The following TSC2 variants were observed in gnomAD, a reference collection of about 807,000 sequenced individuals.
TSC2 encodes tuberin.
TSC2 carries 29 observed loss-of-function variants against 202.2 expected under a neutral mutation model. That is an observed-to-expected ratio of 0.14 (90% confidence interval 0.11 to 0.20). The LOEUF (loss-of-function observed/expected upper bound fraction) is 0.20, where lower values mean the gene tolerates loss of function less well. Ranked by LOEUF, TSC2 falls within the 10% of genes least tolerant of loss-of-function variation. The pLI is 1.00. For missense variants in TSC2, 2,429 were observed against 2,420.0 expected (o/e 1.00, Z -0.08); for synonymous variants, 1,349 against 1,044.0 (o/e 1.29, Z -5.63).
At chr16:2,082,587 C>T (rs1290554817) in intron 32 of TSC2, 83 bp downstream of exon 32, 3 of 1,469,316 alleles carry the variant, frequency 2.0e-6, no homozygotes, top group South Asian at 1.1e-5. Context: ...CATCCGCCCA[C>T]CCCCATGGTC....
In TSC2 at chr16:2,049,953, C is replaced by CT. The variant is rs34020463; in HGVS notation, c.139-428dup. ...GGAGCAGTAAAGCCCCTCAGTAAAT[C>CT]TTTTTTTTTTTTTTTTTTTGAGACC... is the stretch of plus-strand genomic sequence containing the variant. On this transcript the variant is annotated intron_variant, in intron 2 of 41. Coordinates refer to ENST00000219476, the MANE Select transcript of TSC2 (RefSeq NM_000548.5). Among the ~76,000 whole-genome samples the CT allele has an allele frequency of 8.6e-3, 1,160 of 135,444 alleles. 12 individuals carry two copies. Among genetic ancestry groups the CT allele is most frequent in the East Asian group, 0.073 (332 of 4,530 alleles). 88.9% of individuals were successfully genotyped at this position (135,444 alleles called of 152,430 possible).
chr16:2,076,798 A>G (rs1362084617), intron 25 of TSC2: 23 of 580,844 alleles, frequency 4.0e-5, no homozygotes, highest in Non-Finnish European at 5.2e-5. Context: ...TGCGTGTGCC[A>G]CGGGCACCTA....
chr16:2,075,713 G>A (rs1344072751), intron 22 of TSC2, 86 bp from the exon 23 acceptor site: 29 of 1,434,018 alleles, frequency 2.0e-5, no homozygotes, highest in Admixed American at 5.2e-5. Flanking sequence ...GCACCCCATC[G>A]CTGCCGTGGG....
chr16:2,087,692 C>CT lies in TSC2; in HGVS notation c.4990-169dup, dbSNP rs1405136720. On this transcript the variant is annotated intron_variant, in intron 38 of 41. Coordinates refer to ENST00000219476, the MANE Select transcript of TSC2 (RefSeq NM_000548.5). ...GTGCTGCGCCCAGATGTGGAGGGGG[C>CT]TTGGCCTGGGGGAGGCCAGACAAAC... Among the ~76,000 whole-genome samples the CT allele has an allele frequency of 2.0e-5, 3 of 152,128 alleles. No individual in the cohort carries two copies. In the East Asian group the frequency reaches 5.8e-4, roughly 29 times the overall value.
rs876660766 is a variant in TSC2, at chr16:2,080,178, T to G, written c.3411T>G (p.Leu1137=). 6.2e-7 allele frequency: 1 copy of G among 1,612,928 alleles called. No homozygotes were observed. Among genetic ancestry groups the G allele is most frequent in the Non-Finnish European group, 8.5e-7 (1 of 1,179,988 alleles). Residue 1137 remains leucine, a synonymous_variant, in exon 30 of 42, where the codon CTT becomes CTG. Coordinates refer to ENST00000219476, the MANE Select transcript of TSC2 (RefSeq NM_000548.5). ...CCTCTTCTTCAGGGGGCCATGGTCT[T>G]CGAGTTGGCGCCCTGGACGTGCCGG... is the stretch of plus-strand genomic sequence containing the variant. ...RVRSMSGGHG[L]RVGALDVPAS...
intron 26 of TSC2, 91 bp downstream of exon 26, chr16:2,077,817 C>A: frequency 1.9e-6 from 3 of 1,587,920 alleles, no homozygotes; most frequent in Admixed American, 3.3e-5. Flanking sequence ...TGCATGACCT[C>A]ATCGTCTGCC....
intron 36 of TSC2, 91 bp downstream of exon 36, chr16:2,085,413 C>T: frequency 3.0e-6 from 4 of 1,332,210 alleles, no homozygotes; most frequent in Admixed American, 1.8e-5. Context: ...CAACGCCCCA[C>T]AGAGCTCAAC....
Position 2,084,643 on chromosome 16 carries a change from G to C in TSC2, c.4421G>C (p.Arg1474Thr). 6.3e-7 allele frequency: 1 copy of C among 1,599,846 alleles called. No homozygotes were observed. Among genetic ancestry groups the C allele is most frequent in the Non-Finnish European group, 8.5e-7 (1 of 1,179,852 alleles). ...SDSAPSRRGK[R>T]VERDALKSRA... ...TCGGCCCCATCACGCAGGGGCAAGAGAGTAGAGAGGGACGCCTTAAAGAGC... is the reference window on the plus strand; with the variant it reads ...TCGGCCCCATCACGCAGGGGCAAGACAGTAGAGAGGGACGCCTTAAAGAGC... The change falls in exon 34 of 42, where the codon AGA becomes ACA. Residue 1474 changes from arginine (R) to threonine (T), a missense_variant. Physicochemically the swap from Arg to Thr is moderately conservative, Grantham distance 71. Transcript: ENST00000219476.
At chr16:2,063,650 C>T in intron 14 of TSC2, 1 of 221,612 alleles carries the variant, frequency 4.5e-6, no homozygotes, top group Non-Finnish European at 9.1e-6. Context: ...CACTCTGCTC[C>T]TCTCCCCAGC....
Position 2,058,819 on chromosome 16 carries a change from C to A in TSC2, c.921C>A (p.His307Gln). Residue 307 changes from histidine to glutamine, a missense_variant, in exon 10 of 42, where the codon CAC becomes CAA. By Grantham distance (24) the His-to-Gln change is conservative (BLOSUM62 0). Transcript: ENST00000219476. ...TGGGCATGGCTCTCTGGGGAGCCCA[C>A]CGGCTCTATTCTCTCAGGAACTCGC... The part of the protein sequence containing the change: ...FFVGMALWGA[H>Q]RLYSLRNSPT... 4.4e-6 allele frequency: 7 copies of A among 1,603,120 alleles called. No individual in the cohort carries two copies. Among genetic ancestry groups the A allele is most frequent in the Non-Finnish European group, 6.0e-6 (7 of 1,174,740 alleles).
chr16:2,085,187 TG>T, intron 35 of TSC2, 42 bp from the exon 36 acceptor site: 1 of 1,611,834 alleles, frequency 6.2e-7, no homozygotes, highest in South Asian at 1.1e-5. Context: ...CGGCCTCCTG[TG>T]GACGGGCGTC....
intron 4 of TSC2, 87 bp downstream of exon 4, chr16:2,053,539 C>T: frequency 2.3e-6 from 3 of 1,330,366 alleles, no homozygotes; most frequent in South Asian, 2.5e-5. Context: ...GGACTCCTGC[C>T]TCGGTGAGTT....
rs2088573694 is a variant in TSC2, at chr16:2,072,298, T to A, written c.2155T>A (p.Tyr719Asn). Residue 719 changes from tyrosine (Y) to asparagine (N), a missense_variant, in exon 20 of 42, where the codon TAT becomes AAT. Physicochemically the swap from Tyr to Asn is moderately radical, Grantham distance 143 (BLOSUM62 -2). Coordinates refer to ENST00000219476, the MANE Select transcript of TSC2 (RefSeq NM_000548.5). ...GGGCAGGCTGCCTGAGTCCCTGCGC[T>A]ATAAAGTGCTCATCTTTACTTCCCC... ...VLGRLPESLR[Y>N]KVLIFTSPCS... The A allele has an allele frequency of 1.2e-6, 2 of 1,614,154 alleles. No individual in the cohort carries two copies. The highest frequency in any genetic ancestry group is 2.2e-5 in the South Asian group (2 of 91,088).
At chr16:2,062,462 G>A (rs750470901) in intron 12 of TSC2, 35 bp from the exon 13 acceptor site, 12 of 1,570,642 alleles carry the variant, frequency 7.6e-6, no homozygotes, top group Non-Finnish European at 9.6e-6. Context: ...AGCGCCGGAG[G>A]GGCAGAGGGG....
intron 18 of TSC2, 34 bp downstream of exon 18, chr16:2,071,650 CAG>C (rs764737710): frequency 8.7e-6 from 14 of 1,611,588 alleles, no homozygotes; most frequent in East Asian, 2.2e-5. Flanking sequence ...CCATGAGGCT[CAG>C]GGCGTCAGAG....
rs192293608 is a variant in TSC2, at chr16:2,048,553, C to T, written c.-29-34C>T. ...GTGGGGAAGGTGGGCAGAGGTGTTG[C>T]TCAGATGTCCCCATTCCTGTTTCGT... On this transcript the variant is annotated intron_variant, in intron 1 of 41. Transcript: ENST00000219476. The T allele has an allele frequency of 5.6e-6, 9 of 1,612,730 alleles. No homozygotes were observed. The Admixed American group carries it at 1.0e-4, about 18-fold the overall frequency.
At chr16:2,048,304 C>A in intron 1 of TSC2, 1 of 1,073,070 alleles carries the variant, frequency 9.3e-7, no homozygotes, top group Non-Finnish European at 1.4e-6. Context: ...GTCGGGGCTC[C>A]CAGGACTTCG....
Position 2,071,623 on chromosome 16 carries a change from G to C in TSC2, c.1946+7G>C, listed in dbSNP as rs759576009. On this transcript the variant is annotated splice_region_variant and intron_variant, in intron 18 of 41. Coordinates refer to ENST00000219476, the MANE Select transcript of TSC2 (RefSeq NM_000548.5). ...ACTGCGTCTGCGACTACATGTACGC[G>C]GGACCTCGCCCACGGCCCATGAGGC... 6.8e-6 allele frequency: 11 copies of C among 1,613,124 alleles called. No individual in the cohort carries two copies. Among genetic ancestry groups the C allele is most frequent in the Non-Finnish European group, 9.3e-6 (11 of 1,179,990 alleles).
chr16:2,064,127 G>C (rs183996560), intron 14 of TSC2, 145 bp from the exon 15 acceptor site: 2 of 1,321,762 alleles, frequency 1.5e-6, no homozygotes, highest in African/African-American at 2.9e-5. Flanking sequence ...CGCGCTCAGC[G>C]GGTGCTTGTG....
Sources: allele counts gnomAD v4.1 joint callset (sites outside exome capture counted in the v4.1 genomes callset), GRCh38; gene constraint gnomAD v4.1.1; transcripts MANE v1.5; gene names NCBI Gene and HGNC (gene_info 2026-07-23, HGNC 2026-07-21).